The following SYCP1 variants were observed in gnomAD, a reference collection of about 807,000 sequenced individuals.
SYCP1 encodes the protein synaptonemal complex protein 1.
In SYCP1, 64 loss-of-function variants were observed where a neutral mutation model predicts 153.1. The ratio of observed to expected loss-of-function variants is 0.42; its 90% confidence interval spans 0.34 to 0.51. The LOEUF (loss-of-function observed/expected upper bound fraction) is 0.51, where lower values mean the gene tolerates loss of function less well. Among genes scored for constraint, SYCP1 ranks in the 20% least tolerant of loss-of-function variants. The pLI is 0.06. For missense variants in SYCP1, 997 were observed against 1,049.0 expected, an observed-to-expected ratio of 0.95 and a Z score of 0.68; for synonymous variants, 384 against 341.8, an observed-to-expected ratio of 1.12 and a Z score of -1.36.
At chr1:114,964,440 T>A (rs1203886432) in intron 27 of SYCP1, among the ~76,000 whole-genome samples, 2 of 152,202 alleles carry the variant, frequency 1.3e-5, no homozygotes, top group African/African-American at 4.8e-5. Context: ...AGTTATGAAG[T>A]CTTTGCCCAT....
chr1:114,972,277 C>T (rs2101917675), intron 27 of SYCP1, among the ~76,000 whole-genome samples: 1 of 151,940 alleles, frequency 6.6e-6, no homozygotes, highest in South Asian at 2.1e-4. Flanking sequence ...TTTTCCTTCT[C>T]TCATTTTATT....
At chr1:114,942,519 C>G (rs1670448885) in intron 23 of SYCP1, among the ~76,000 whole-genome samples, 1 of 151,744 alleles carries the variant, frequency 6.6e-6, no homozygotes, top group South Asian at 2.1e-4. Flanking sequence ...CAGAAGTTGT[C>G]AAGTCAATTG....
chr1:114,971,579 T>C (rs1290451355), intron 27 of SYCP1, among the ~76,000 whole-genome samples: 1 of 152,224 alleles, frequency 6.6e-6, no homozygotes, highest in African/African-American at 2.4e-5. Context: ...GTCTGTCATA[T>C]ACGGCTTTTA....
chr1:114,910,321 G>A, intron 16 of SYCP1, 76 bp from the exon 17 acceptor site: 1 of 973,972 alleles, frequency 1.0e-6, no homozygotes, highest in Non-Finnish European at 1.5e-6. Flanking sequence ...TCTTTCCACA[G>A]CTCCATTTGG....
intron 27 of SYCP1, among the ~76,000 whole-genome samples, chr1:114,960,949 T>C (rs1430331530): frequency 6.6e-6 from 1 of 152,240 alleles, no homozygotes; most frequent in Non-Finnish European, 1.5e-5. Context: ...TTTGAATGTC[T>C]GACAGAATTC....
At chr1:114,927,076 T>G (rs1367201101) in intron 23 of SYCP1, among the ~76,000 whole-genome samples, 1 of 152,214 alleles carries the variant, frequency 6.6e-6, no homozygotes, top group South Asian at 2.1e-4. Context: ...ATAAATAGTT[T>G]TTGAATTATG....
At chr1:114,974,721 T>G (rs1672704358) in intron 27 of SYCP1, among the ~76,000 whole-genome samples, 1 of 151,874 alleles carries the variant, frequency 6.6e-6, no homozygotes. Flanking sequence ...ATCTTTTCCT[T>G]ATTATTTTTC....
intron 27 of SYCP1, among the ~76,000 whole-genome samples, chr1:114,974,420 T>C (rs552233942): frequency 1.3e-5 from 2 of 152,046 alleles, no homozygotes; most frequent in East Asian, 1.9e-4. Context: ...GTTAAGTATA[T>C]TCATCCTGTT....
chr1:114,867,939 C>T (rs1200899783), intron 8 of SYCP1, among the ~76,000 whole-genome samples: 1 of 151,576 alleles, frequency 6.6e-6, no homozygotes, highest in African/African-American at 2.4e-5. Flanking sequence ...CCTTCTATTC[C>T]TAGTTTACTA....
At chr1:114,882,634 T>C (rs902680895) in intron 12 of SYCP1, among the ~76,000 whole-genome samples, 1 of 152,180 alleles carries the variant, frequency 6.6e-6, no homozygotes, top group Non-Finnish European at 1.5e-5. Flanking sequence ...GTACCTTGTT[T>C]GCTTGTGTGC....
intron 28 of SYCP1, among the ~76,000 whole-genome samples, chr1:114,979,555 G>A (rs1673019606): frequency 6.6e-6 from 1 of 151,714 alleles, no homozygotes; most frequent in Non-Finnish European, 1.5e-5. Context: ...GTCCATTAAA[G>A]CAGTTACATT....
intron 28 of SYCP1, among the ~76,000 whole-genome samples, chr1:114,978,610 T>C (rs1268385055): frequency 6.6e-6 from 1 of 151,690 alleles, no homozygotes; most frequent in African/African-American, 2.4e-5. Flanking sequence ...TTACATATAG[T>C]GATATAATCT....
rs868549494 is a variant in SYCP1, at chr1:114,963,004, C to T, written c.2323-14553C>T. Among the ~76,000 whole-genome samples the T allele has an allele frequency of 2.6e-5, 4 of 152,112 alleles. 1 individual carries two copies. The highest frequency in any genetic ancestry group is 5.9e-5 in the Non-Finnish European group (4 of 68,020). ...GGAGCCTAAAGATAAGACCCCAGTC[C>T]CTACTAGCTTGTAAGGTTTCTGCTG... On this transcript the variant is annotated intron_variant, in intron 27 of 31. Transcript: ENST00000369522.
chr1:114,894,619 G>A (rs949310791), intron 15 of SYCP1, among the ~76,000 whole-genome samples: 3 of 152,048 alleles, frequency 2.0e-5, no homozygotes, highest in Non-Finnish European at 2.9e-5. Flanking sequence ...AAGGCTGTCA[G>A]CAAAGAAAAC....
At chr1:114,887,081 A>G (rs1666362487) in intron 14 of SYCP1, among the ~76,000 whole-genome samples, 1 of 152,080 alleles carries the variant, frequency 6.6e-6, no homozygotes, top group Admixed American at 6.6e-5. Flanking sequence ...TTGCTTGTGC[A>G]TGGTGAGGGA....
chr1:114,946,170 A>G, intron 25 of SYCP1, 119 bp from the exon 26 acceptor site: 1 of 317,552 alleles, frequency 3.1e-6, no homozygotes, highest in Non-Finnish European at 5.4e-6. Flanking sequence ...AAGTTTCTGC[A>G]AAATTAAATA....
intron 23 of SYCP1, among the ~76,000 whole-genome samples, chr1:114,932,730 G>A (rs1669718364): frequency 6.6e-6 from 1 of 152,350 alleles, no homozygotes; most frequent in East Asian, 1.9e-4. Context: ...AATGGTCTTA[G>A]CAAACAACAC....
chr1:114,879,502 G>A (rs74598910), intron 12 of SYCP1, among the ~76,000 whole-genome samples: 113 of 152,210 alleles, frequency 7.4e-4, no homozygotes, highest in Non-Finnish European at 1.2e-3. Flanking sequence ...CAAGTCTGTT[G>A]GCTAAATTCT....
chr1:114,979,879 G>A (rs1279440125), intron 28 of SYCP1, among the ~76,000 whole-genome samples: 2 of 151,794 alleles, frequency 1.3e-5, no homozygotes, highest in African/African-American at 4.8e-5. Context: ...ACCATATGAT[G>A]TACCTGGCTC....
Sources: allele counts gnomAD v4.1 joint callset (sites outside exome capture counted in the v4.1 genomes callset), GRCh38; gene constraint gnomAD v4.1.1; transcripts MANE v1.5; gene names NCBI Gene and HGNC (gene_info 2026-07-23, HGNC 2026-07-21).